Variants in RERE observed in about 807,000 individuals in gnomAD.
RERE encodes arginine-glutamic acid dipeptide repeats protein.
In RERE, 40 loss-of-function variants were observed where a neutral mutation model predicts 146.1. The observed-to-expected ratio is 0.27, with a 90% CI of 0.21 to 0.36. RERE has a LOEUF of 0.36. Among genes scored for constraint, RERE ranks in the 10% least tolerant of loss-of-function variants. The probability of loss-of-function intolerance (pLI) is 1.00; values close to 1 mark genes in which losing one functional copy is unlikely to be tolerated. For synonymous variants in RERE, 1,003 were observed against 866.0 expected (o/e 1.16, Z -2.78); for missense variants, 1,933 against 2,138.7 (o/e 0.90, Z 1.90).
chr1:8,635,774 A>T (rs1429110358), intron 2 of RERE, among the ~76,000 whole-genome samples: 2 of 152,212 alleles, frequency 1.3e-5, no homozygotes, highest in East Asian at 3.8e-4. Flanking sequence ...TAAGGAAAAG[A>T]ATCATAATCT....
At chr1:8,458,209 C>CGATTT (rs1281300147) in intron 11 of RERE, among the ~76,000 whole-genome samples, 2 of 152,106 alleles carry the variant, frequency 1.3e-5, no homozygotes, top group African/African-American at 4.8e-5. Flanking sequence ...AGAACAAATG[C>CGATTT]AATCTCTCAA....
intron 7 of RERE, among the ~76,000 whole-genome samples, chr1:8,527,297 G>A (rs1645582014): frequency 6.6e-6 from 1 of 152,088 alleles, no homozygotes; most frequent in African/African-American, 2.4e-5. Flanking sequence ...TGGTATGTGA[G>A]ACAACATATT....
At chr1:8,448,529 C>T (rs1388539636) in intron 11 of RERE, among the ~76,000 whole-genome samples, 4 of 152,050 alleles carry the variant, frequency 2.6e-5, no homozygotes, top group South Asian at 2.1e-4. Context: ...GAGGCCGAGG[C>T]GGGTGGATCA....
intron 4 of RERE, among the ~76,000 whole-genome samples, chr1:8,558,092 G>T (rs1050695222): frequency 1.3e-5 from 2 of 152,154 alleles, no homozygotes; most frequent in Non-Finnish European, 2.9e-5. Flanking sequence ...AGAATGGGTG[G>T]TGATGAAGGT....
At chr1:8,763,503 C>A (rs1451076794) in intron 1 of RERE, among the ~76,000 whole-genome samples, 1 of 152,146 alleles carries the variant, frequency 6.6e-6, no homozygotes, top group Non-Finnish European at 1.5e-5. Context: ...GATGTGGAGG[C>A]GCACGCCTGT....
chr1:8,530,679 CTTT>C (rs1197212764), intron 7 of RERE, among the ~76,000 whole-genome samples: 2,147 of 96,690 alleles, frequency 0.022, 20 homozygotes, highest in African/African-American at 0.082. Context: ...TTTTCGTTTT[CTTT>C]TTTTTTTTTT....
chr1:8,558,591 A>G (rs576844908), intron 4 of RERE, among the ~76,000 whole-genome samples: 16 of 152,298 alleles, frequency 1.1e-4, no homozygotes, highest in Admixed American at 3.9e-4. Flanking sequence ...AAAATATGAT[A>G]AAAGAGCCCT....
At chr1:8,601,484 T>C (rs1187368920) in intron 4 of RERE, among the ~76,000 whole-genome samples, 1 of 152,140 alleles carries the variant, frequency 6.6e-6, no homozygotes, top group East Asian at 1.9e-4. Context: ...GGTGTCACTG[T>C]GGTGACAAGA....
intron 6 of RERE, among the ~76,000 whole-genome samples, chr1:8,546,309 A>AT (rs1198050518): frequency 2.5e-4 from 11 of 44,614 alleles, no homozygotes; most frequent in Admixed American, 1.5e-3. Flanking sequence ...ATAAAAATAA[A>AT]TAAAAATATA....
chr1:8,603,587 C>T (rs374660206), intron 4 of RERE, among the ~76,000 whole-genome samples: 1 of 152,228 alleles, frequency 6.6e-6, no homozygotes, highest in South Asian at 2.1e-4. Flanking sequence ...TATAAACTGC[C>T]TTTTATAGCT....
intron 4 of RERE, among the ~76,000 whole-genome samples, chr1:8,592,458 G>T (rs1261225882): frequency 6.6e-6 from 1 of 152,170 alleles, no homozygotes; most frequent in East Asian, 2.0e-4. Flanking sequence ...TTTTTGTAGA[G>T]ATCGGGTTTC....
chr1:8,490,436 T>A (rs1644966225), intron 10 of RERE, among the ~76,000 whole-genome samples: 1 of 150,156 alleles, frequency 6.7e-6, no homozygotes, highest in Non-Finnish European at 1.5e-5. Flanking sequence ...CCACTCCAAG[T>A]ATTTACCTGA....
chr1:8,723,063 A>G (rs1238706845), intron 1 of RERE, among the ~76,000 whole-genome samples: 2 of 152,240 alleles, frequency 1.3e-5, no homozygotes, highest in Non-Finnish European at 2.9e-5. Context: ...AACAGAGAAA[A>G]GAGAAGGTGT....
chr1:8,466,079 A>G (rs777468756), intron 10 of RERE, 56 bp from the exon 11 acceptor site: 1 of 1,442,678 alleles, frequency 6.9e-7, no homozygotes, highest in South Asian at 1.2e-5. Flanking sequence ...ACAGGACACA[A>G]TCGATCCAAG....
chr1:8,724,888 AAAC>A (rs1269146873), intron 1 of RERE, among the ~76,000 whole-genome samples: 21 of 151,080 alleles, frequency 1.4e-4, no homozygotes, highest in Middle Eastern at 3.4e-3. Context: ...AAAAAAAAAA[AAAC>A]AACTCAACCT....
chr1:8,592,063 C>T (rs1178647624), intron 4 of RERE, among the ~76,000 whole-genome samples: 1 of 152,176 alleles, frequency 6.6e-6, no homozygotes, highest in Non-Finnish European at 1.5e-5. Flanking sequence ...AGTACCTTCA[C>T]AGTAAAGACA....
rs1646643793 is a variant in RERE, at chr1:8,602,374, G to A, written c.522+12187C>T. 2.8e-5 allele frequency among the ~76,000 whole-genome samples: 4 copies of A among 141,918 alleles called. No individual in the cohort carries two copies. In the Admixed American group the frequency reaches 2.9e-4, roughly 10 times the overall value. The allele number at this position is 141,918 out of a possible 152,430, so 93.1% of individuals were successfully genotyped here. A position where few individuals can be genotyped will look rare whatever the true frequency, so the allele number is the denominator to read the frequency against. ...CCACTGCACTCCAGCCTGGTGACAA[G>A]AGTTAGACTCCATCTCAAAAAAAAA... On this transcript the variant is annotated intron_variant, in intron 4 of 22. Coordinates refer to ENST00000400908, the MANE Select transcript of RERE (RefSeq NM_001042681.2).
At chr1:8,663,631 C>T (rs1471984417) in intron 1 of RERE, among the ~76,000 whole-genome samples, 1 of 152,152 alleles carries the variant, frequency 6.6e-6, no homozygotes, top group Non-Finnish European at 1.5e-5. Flanking sequence ...TATCTGACGT[C>T]CCACCACTTT....
intron 2 of RERE, among the ~76,000 whole-genome samples, chr1:8,626,282 T>C (rs911323602): frequency 1.3e-5 from 2 of 152,206 alleles, no homozygotes; most frequent in South Asian, 2.1e-4. Flanking sequence ...CAGTCCCTGT[T>C]ATACCCACTG....
Sources: gnomAD v4.1 joint callset for allele counts (sites outside exome capture counted in the v4.1 genomes callset) on GRCh38, gnomAD v4.1.1 for gene constraint, MANE v1.5 for transcripts, NCBI Gene and HGNC (gene_info 2026-07-23, HGNC 2026-07-21) for gene names.